Variants in VPS13A observed in about 807,000 individuals in gnomAD.
The protein encoded by VPS13A is vacuolar protein sorting 13 homolog A, also known as intermembrane lipid transfer protein VPS13A.
Under a neutral mutation model 390.9 loss-of-function variants are expected in VPS13A, and 264 were observed. The ratio of observed to expected loss-of-function variants is 0.68; its 90% CI spans 0.61 to 0.75. The LOEUF (loss-of-function observed/expected upper bound fraction) is 0.75. Ranked by LOEUF, VPS13A falls within the 30% of genes least tolerant of loss-of-function variation. The pLI, the probability that VPS13A is intolerant of heterozygous loss-of-function variation, is 0.00. For synonymous variants in VPS13A, 1,231 were observed against 1,227.1 expected (o/e 1.00, Z -0.07); for missense variants, 3,409 against 3,733.9 (o/e 0.91, Z 2.27).
At chr9:77,355,929 C>G (rs1326832831) in intron 54 of VPS13A, among the ~76,000 whole-genome samples, 1 of 152,164 alleles carries the variant, frequency 6.6e-6, no homozygotes, top group Admixed American at 6.5e-5. Flanking sequence ...TTTCCTGCTT[C>G]TAATCTTGAC....
At chr9:77,235,898 C>T (rs933206606) in intron 17 of VPS13A, among the ~76,000 whole-genome samples, 2 of 152,066 alleles carry the variant, frequency 1.3e-5, no homozygotes. Flanking sequence ...CGAAAGTGAT[C>T]CATATTTAGT....
intron 33 of VPS13A, 70 bp downstream of exon 33, chr9:77,295,916 TGAG>T (rs1299423176): frequency 1.4e-6 from 2 of 1,455,338 alleles, no homozygotes; most frequent in Non-Finnish European, 1.9e-6. Flanking sequence ...TTTGATGTCT[TGAG>T]TAGTCTGTTT....
At chr9:77,206,165 G>A (rs1479246054) in intron 5 of VPS13A, 86 bp downstream of exon 5, 1 of 932,218 alleles carries the variant, frequency 1.1e-6, no homozygotes, top group African/African-American at 1.7e-5. Context: ...TTTTTCTCTG[G>A]AGATGCTGAG....
chr9:77,269,167 T>C (rs1251656206), intron 23 of VPS13A, among the ~76,000 whole-genome samples: 1 of 152,164 alleles, frequency 6.6e-6, no homozygotes, highest in African/African-American at 2.4e-5. Context: ...GTCAAGAAGA[T>C]TTTTCCCTAT....
rs571004669 is a variant in VPS13A, at chr9:77,408,268, G to GTT, written c.9474+662_9474+663dup. 5.9e-5 allele frequency among the ~76,000 whole-genome samples: 9 copies of GTT among 152,330 alleles called. No individual in the cohort carries two copies. In the South Asian group the frequency reaches 1.9e-3, roughly 32 times the overall value. On this transcript the variant is annotated intron_variant, in intron 71 of 71. Transcript: ENST00000360280. Reference sequence around the variant, plus strand: ...TCACAACTGAAGTGCTATTCAGAATGTTGAGTTGTACTCATTATATCATGA... The same window carrying GTT: ...TCACAACTGAAGTGCTATTCAGAATGTTTTGAGTTGTACTCATTATATCATGA...
intron 19 of VPS13A, among the ~76,000 whole-genome samples, chr9:77,243,257 T>C (rs1824612240): frequency 6.6e-6 from 1 of 152,130 alleles, no homozygotes; most frequent in South Asian, 2.1e-4. Context: ...CTTCGGATAT[T>C]GGAATATTTG....
intron 32 of VPS13A, among the ~76,000 whole-genome samples, chr9:77,295,141 A>G (rs1224806139): frequency 2.0e-5 from 3 of 151,970 alleles, no homozygotes; most frequent in Non-Finnish European, 4.4e-5. Flanking sequence ...GAATTTGGAA[A>G]TTGGAAAATT....
In VPS13A at chr9:77,416,135, AAAAC is replaced by A. The variant is rs914078686; in HGVS notation, c.*137_*140del. On this transcript the variant is annotated 3_prime_UTR_variant, in exon 72 of 72. Coordinates refer to ENST00000360280, the MANE Select transcript of VPS13A (RefSeq NM_033305.3). ...CCTGTATTCTGGATGCTAAAAAACAAAAACAAACAAAAAAACAAAAACAAAAAAA... is the reference window on the plus strand; with the variant it reads ...CCTGTATTCTGGATGCTAAAAAACAAAAACAAAAAAACAAAAACAAAAAAA... 2.7e-4 allele frequency: 298 copies of A among 1,122,258 alleles called. No homozygotes were observed. The highest frequency in any genetic ancestry group is 4.2e-4 in the Admixed American group (18 of 42,900). The allele number at this position is 1,122,258 out of a possible 1,614,324, so 69.5% of individuals were successfully genotyped here. A position where few individuals can be genotyped will look rare whatever the true frequency, so the allele number is the denominator to read the frequency against.
chr9:77,302,368 C>CTT (rs58598132), intron 33 of VPS13A, among the ~76,000 whole-genome samples: 1,486 of 117,638 alleles, frequency 0.013, 66 homozygotes, highest in African/African-American at 0.045. Context: ...TATTTTTCCC[C>CTT]TTTTTTTTTT....
At chr9:77,228,027 A>G (rs1444839340) in intron 16 of VPS13A, 95 bp from the exon 17 acceptor site, 1 of 955,480 alleles carries the variant, frequency 1.0e-6, no homozygotes, top group East Asian at 3.0e-5. Context: ...TCCTTAAAAT[A>G]TTTGGTGGTT....
chr9:77,414,710 G>T (rs1055438213), intron 71 of VPS13A, among the ~76,000 whole-genome samples: 1 of 150,116 alleles, frequency 6.7e-6, no homozygotes, highest in African/African-American at 2.5e-5. Flanking sequence ...TGCACGTTGT[G>T]CACATGTACC....
chr9:77,184,691 AT>A (rs111729963), intron 1 of VPS13A, among the ~76,000 whole-genome samples: 1 of 152,018 alleles, frequency 6.6e-6, no homozygotes. Flanking sequence ...TTATCACAGG[AT>A]TTTTTTCTTT....
At chr9:77,252,669 C>A (rs747726184) in intron 22 of VPS13A, among the ~76,000 whole-genome samples, 9 of 152,154 alleles carry the variant, frequency 5.9e-5, no homozygotes, top group Admixed American at 2.6e-4. Flanking sequence ...CAGCCCCTGA[C>A]AACAACCATT....
chr9:77,311,486 G>T (rs942842943), intron 35 of VPS13A, among the ~76,000 whole-genome samples: 6 of 151,862 alleles, frequency 4.0e-5, no homozygotes, highest in South Asian at 4.1e-4. Context: ...ACAAGGCCTG[G>T]TTTTTTTTAA....
intron 52 of VPS13A, among the ~76,000 whole-genome samples, chr9:77,348,508 T>C (rs1424908031): frequency 6.6e-6 from 1 of 152,076 alleles, no homozygotes; most frequent in Non-Finnish European, 1.5e-5. Flanking sequence ...AGCTAATGCA[T>C]GTGGGGCTTA....
chr9:77,247,096 G>A (rs1824860804), intron 19 of VPS13A, among the ~76,000 whole-genome samples, 163 bp from the exon 20 acceptor site: 1 of 152,010 alleles, frequency 6.6e-6, no homozygotes, highest in South Asian at 2.1e-4. Flanking sequence ...ACATGCATTG[G>A]CAGGTATTTT....
At position 77,360,617 on chromosome 9, in the gene VPS13A, A is replaced by C. The variant is rs1477467891; in HGVS notation, c.8187A>C (p.Glu2729Asp). The C allele has an allele frequency of 6.2e-7, 1 of 1,612,650 alleles. No homozygotes were observed. Among genetic ancestry groups the C allele is most frequent in the East Asian group, 2.2e-5 (1 of 44,686 alleles). ...ATGCTTTAACAGACCTTATGACAGA[A>C]GCTGAGGTGACTGAAAATACAGAGG... Reference protein sequence around the residue: ...FIYALTDLMTEAEVTENTEVE... With the variant: ...FIYALTDLMTDAEVTENTEVE... Residue 2729 changes from glutamate (E) to aspartate (D), a missense_variant, in exon 59 of 72, where the codon GAA (glutamate) becomes GAC (aspartate). Glu to Asp is a conservative substitution (Grantham distance 45). Around this residue, in one of 5 missense-constraint regions of VPS13A, gnomAD observed 221 missense variants for 300.7 expected, o/e 0.73. Coordinates refer to ENST00000360280, the MANE Select transcript of VPS13A (RefSeq NM_033305.3).
Position 77,317,711 on chromosome 9 carries a change from A to G in VPS13A, c.4956+13A>G. The G allele has an allele frequency of 1.3e-6, 2 of 1,562,930 alleles. No individual in the cohort carries two copies. Among genetic ancestry groups the G allele is most frequent in the East Asian group, 2.3e-5 (1 of 43,196 alleles). On this transcript the variant is annotated intron_variant, in intron 40 of 71. Coordinates refer to ENST00000360280, the MANE Select transcript of VPS13A (RefSeq NM_033305.3). ...CCTGACACTAAAGGTAAATTAAAAT[A>G]TAATCATTTGAATATTTAGTGCACT...
rs576571885 is a variant in VPS13A at position 77,417,395 on chromosome 9, A to C, written c.*1389A>C. On this transcript the variant is annotated 3_prime_UTR_variant, in exon 72 of 72. Transcript: ENST00000360280. ...GTATTTCTTGCTGACCAAATCTACT[A>C]AATGCTATTGATTTCTCTCTGATTA... The C allele has an allele frequency of 6.6e-6, 1 of 152,304 alleles. No individual in the cohort carries two copies. The highest frequency in any genetic ancestry group is 1.9e-4 in the East Asian group (1 of 5,186). 9.4% of individuals were successfully genotyped at this position (152,304 alleles called of 1,614,324 possible). A position where few individuals can be genotyped will look rare whatever the true frequency, so the allele number is the denominator to read the frequency against.
Sources: gnomAD v4.1 joint callset for allele counts (sites outside exome capture counted in the v4.1 genomes callset) on GRCh38, gnomAD v4.1.1 for gene constraint, gnomAD v4.1.1 regional missense constraint, MANE v1.5 for transcripts, NCBI Gene and HGNC (gene_info 2026-07-23, HGNC 2026-07-21) for gene names.